PAQR5: variants seen among roughly 807,000 people sequenced by gnomAD.
PAQR5 encodes the protein membrane progestin receptor gamma.
A neutral mutation model predicts 34.5 loss-of-function variants in PAQR5; 20 were observed. The observed-to-expected ratio is 0.58, with a 90% CI of 0.41 to 0.84. The LOEUF (loss-of-function observed/expected upper bound fraction) is 0.84. Ranked by LOEUF, PAQR5 falls within the 40% of genes least tolerant of loss-of-function variation. PAQR5 has a pLI of 0.00. For synonymous variants in PAQR5, 131 were observed against 155.6 expected, an observed-to-expected ratio of 0.84 and a Z score of 1.18; for missense variants, 378 against 412.7, an observed-to-expected ratio of 0.92 and a Z score of 0.73.
At chr15:69,355,757 G>T (rs2055061623) in intron 2 of PAQR5, among the ~76,000 whole-genome samples, 1 of 151,730 alleles carries the variant, frequency 6.6e-6, no homozygotes, top group Non-Finnish European at 1.5e-5. Context: ...TACATTTCTT[G>T]GAGACAAGGA....
intron 1 of PAQR5, chr15:69,314,866 G>A (rs8034537): frequency 0.043 from 6,602 of 153,324 alleles, 292 homozygotes; most frequent in East Asian, 0.15. Context: ...AGGCTGCACC[G>A]GGTCTCTAGG....
chr15:69,398,258 G>T (rs535851809), intron 7 of PAQR5, among the ~76,000 whole-genome samples: 6 of 152,276 alleles, frequency 3.9e-5, no homozygotes, highest in Admixed American at 6.5e-5. Flanking sequence ...GAGATGGAGA[G>T]CATAAAGGAA....
rs748879114 is a variant in PAQR5, at chr15:69,384,788, G to A, written c.291G>A (p.Val97=). The change falls in exon 5 of 9, where the codon GTG becomes GTA. Residue 97 remains valine, a synonymous_variant. Coordinates refer to ENST00000395407, the MANE Select transcript of PAQR5 (RefSeq NM_017705.4). The part of the protein sequence containing the change: ...YMCTSCVYPL[V]SSCAHTFSSM... ...GCACCAGCTGCGTGTACCCACTTGTGTCCAGCTGTGCGCACACCTTCAGCT... is the reference window on the plus strand; with the variant it reads ...GCACCAGCTGCGTGTACCCACTTGTATCCAGCTGTGCGCACACCTTCAGCT... 6.2e-7 allele frequency: 1 copy of A among 1,613,982 alleles called. No individual in the cohort carries two copies.
chr15:69,324,452 C>T (rs2054201173), intron 1 of PAQR5, among the ~76,000 whole-genome samples: 1 of 152,196 alleles, frequency 6.6e-6, no homozygotes, highest in South Asian at 2.1e-4. Flanking sequence ...GCCGTTGAAA[C>T]TTTTATGATC....
At chr15:69,300,151 C>T (rs1278272151) in intron 1 of PAQR5, among the ~76,000 whole-genome samples, 1 of 152,044 alleles carries the variant, frequency 6.6e-6, no homozygotes, top group African/African-American at 2.4e-5. Flanking sequence ...CCACTCCCCA[C>T]CCCCCTAGGT....
At chr15:69,373,625 T>A (rs11072092) in intron 3 of PAQR5, among the ~76,000 whole-genome samples, 142,723 of 152,146 alleles carry the variant, frequency 0.94, 67,655 homozygotes, top group East Asian at 1. Flanking sequence ...TTTTTTCGAG[T>A]CAGAGTCTCG....
At chr15:69,347,023 C>T (rs1282801995) in intron 2 of PAQR5, among the ~76,000 whole-genome samples, 5 of 152,102 alleles carry the variant, frequency 3.3e-5, no homozygotes, top group East Asian at 1.9e-4. Flanking sequence ...GGTTTCACCA[C>T]GTTGGCCAGG....
At chr15:69,370,016 T>C (rs562611842) in intron 3 of PAQR5, among the ~76,000 whole-genome samples, 1 of 152,306 alleles carries the variant, frequency 6.6e-6, no homozygotes, top group South Asian at 2.1e-4. Flanking sequence ...TTTTTGCTGA[T>C]ACACTGGCTT....
intron 3 of PAQR5, among the ~76,000 whole-genome samples, chr15:69,377,398 T>A (rs2055736499): frequency 6.6e-6 from 1 of 152,212 alleles, no homozygotes; most frequent in Non-Finnish European, 1.5e-5. Context: ...AACTCAAGAT[T>A]CCTGCTGCCC....
At chr15:69,389,593 C>T in intron 5 of PAQR5, 61 bp from the exon 6 acceptor site, 1 of 1,606,252 alleles carries the variant, frequency 6.2e-7, no homozygotes, top group Non-Finnish European at 8.5e-7. Context: ...ACAGTCTTTG[C>T]AAGGGGCCCA....
rs75629213 is a variant in PAQR5 at position 69,348,411 on chromosome 15, G to A, written c.-116+10910G>A. On this transcript the variant is annotated intron_variant, in intron 2 of 8. Transcript: ENST00000395407. Reference sequence around the variant, plus strand: ...GGAAACGGTGAAGCAGTCTTTGAACGCAGGTGTTTTGAAAGCAGCACTTGG... The same window carrying A: ...GGAAACGGTGAAGCAGTCTTTGAACACAGGTGTTTTGAAAGCAGCACTTGG... Among the ~76,000 whole-genome samples, 101 of 152,270 alleles carry A rather than the reference G, an allele frequency of 6.6e-4. 1 individual carries two copies. The highest frequency in any genetic ancestry group is 5.8e-3 in the East Asian group (30 of 5,172).
chr15:69,364,449 T>A (rs1036155244), intron 3 of PAQR5, among the ~76,000 whole-genome samples: 1 of 136,248 alleles, frequency 7.3e-6, no homozygotes, highest in African/African-American at 2.9e-5. Flanking sequence ...TATATATATA[T>A]TATATACATG....
At chr15:69,361,966 G>A (rs1256714938) in intron 3 of PAQR5, among the ~76,000 whole-genome samples, 1 of 151,884 alleles carries the variant, frequency 6.6e-6, no homozygotes, top group Non-Finnish European at 1.5e-5. Flanking sequence ...ATGGTGGGGG[G>A]ACTGGGGAGC....
intron 1 of PAQR5, among the ~76,000 whole-genome samples, chr15:69,301,358 A>T (rs1479228298): frequency 6.6e-6 from 1 of 152,170 alleles, no homozygotes; most frequent in East Asian, 1.9e-4. Flanking sequence ...TGTCCCGCCA[A>T]GGAGAGGCCG....
At chr15:69,332,244 G>A (rs2054396930) in intron 1 of PAQR5, among the ~76,000 whole-genome samples, 1 of 152,190 alleles carries the variant, frequency 6.6e-6, no homozygotes, top group Admixed American at 6.5e-5. Context: ...GGTATCACAG[G>A]ATAGAATGTG....
intron 1 of PAQR5, among the ~76,000 whole-genome samples, chr15:69,326,375 T>A (rs1197587123): frequency 6.6e-6 from 1 of 152,186 alleles, no homozygotes; most frequent in African/African-American, 2.4e-5. Flanking sequence ...CCAGGGCTGT[T>A]AGATCTTCAG....
intron 1 of PAQR5, among the ~76,000 whole-genome samples, chr15:69,308,212 C>T (rs1303398354): frequency 6.6e-6 from 1 of 152,178 alleles, no homozygotes; most frequent in Non-Finnish European, 1.5e-5. Context: ...TTCTCACTGC[C>T]AAGCTCGAGG....
At chr15:69,330,831 GCTTTGT>G (rs2140666246) in intron 1 of PAQR5, among the ~76,000 whole-genome samples, 1 of 152,276 alleles carries the variant, frequency 6.6e-6, no homozygotes, top group Admixed American at 6.5e-5. Flanking sequence ...TGATGAATCG[GCTTTGT>G]CTAGGCAGCA....
intron 2 of PAQR5, among the ~76,000 whole-genome samples, chr15:69,345,927 T>C (rs1319993916): frequency 6.6e-6 from 1 of 152,212 alleles, no homozygotes; most frequent in Non-Finnish European, 1.5e-5. Flanking sequence ...CTGGGCAACA[T>C]AGACCCTTTC....
Sources: allele counts gnomAD v4.1 joint callset (sites outside exome capture counted in the v4.1 genomes callset), GRCh38; gene constraint gnomAD v4.1.1; transcripts MANE v1.5; gene names NCBI Gene and HGNC (gene_info 2026-07-23, HGNC 2026-07-21).